The following NISCH variants were observed in gnomAD, a reference collection of about 807,000 sequenced individuals.
NISCH encodes the protein I-1 receptor candidate protein.
Under a neutral mutation model 138.4 loss-of-function variants are expected in NISCH, and 55 were observed. The ratio of observed to expected loss-of-function variants is 0.40; its 90% CI spans 0.32 to 0.50. NISCH has a LOEUF of 0.50. Ranked by LOEUF, NISCH falls within the 20% of genes least tolerant of loss-of-function variation. NISCH has a pLI of 0.71. For missense variants in NISCH, 1,643 were observed against 2,005.5 expected (o/e 0.82, Z 3.45); for synonymous variants, 860 against 861.5 (o/e 1.00, Z 0.03).
At position 52,492,442 on chromosome 3, in the gene NISCH, C is replaced by A; in HGVS notation, c.4475C>A (p.Ala1492Asp). 6.2e-7 allele frequency: 1 copy of A among 1,610,534 alleles called. No individual in the cohort carries two copies. Among genetic ancestry groups the A allele is most frequent in the Non-Finnish European group, 8.5e-7 (1 of 1,179,050 alleles). Residue 1492 changes from alanine to aspartate, a missense_variant, in exon 21 of 21, where the codon GCC becomes GAC. By Grantham distance (126) the Ala-to-Asp change is moderately radical (BLOSUM62 -2). Transcript: ENST00000345716. ...TCGCTGTTGGCTCGCCAGTGGGAGG[C>A]CCTGTGTGGCCGTGAGCTGCCTGTC... ...LISLLARQWEALCGRELPVEL... is the reference protein window; with the variant it reads ...LISLLARQWEDLCGRELPVEL...
At chr3:52,479,057 A>T (rs1375697133) in intron 11 of NISCH, among the ~76,000 whole-genome samples, 4 of 152,108 alleles carry the variant, frequency 2.6e-5, no homozygotes, top group African/African-American at 9.7e-5. Context: ...CCAAAATCCC[A>T]GGTCAGAAAA....
At chr3:52,489,776 G>C (rs1277107436) in intron 17 of NISCH, 98 bp downstream of exon 17, 1 of 1,516,382 alleles carries the variant, frequency 6.6e-7, no homozygotes, top group Non-Finnish European at 8.8e-7. Flanking sequence ...GGACTTCCCT[G>C]ATGTCGGAGT....
chr3:52,471,242 C>G lies in NISCH; in HGVS notation c.409+335C>G, dbSNP rs554453055. ...CTGCCAGAGAGCACAGTTATAGTAG[C>G]TCATGTGTGATGAATGCTTCCTGTT... On this transcript the variant is annotated intron_variant, in intron 4 of 20. Coordinates refer to ENST00000345716, the MANE Select transcript of NISCH (RefSeq NM_007184.4). 5.5e-4 allele frequency: 218 copies of G among 399,796 alleles called. 5 individuals carry two copies. In the South Asian group the frequency reaches 9.0e-3, roughly 17 times the overall value. The allele number at this position is 399,796 out of a possible 1,614,324, so 24.8% of individuals were successfully genotyped here.
Position 52,487,193 on chromosome 3 carries a change from C to T in NISCH, c.1704-3C>T. 6.2e-7 allele frequency: 1 copy of T among 1,611,460 alleles called. No homozygotes were observed. On this transcript the variant is annotated splice_region_variant and splice_polypyrimidine_tract_variant and intron_variant, in intron 15 of 20. Transcript: ENST00000345716. This position sits in a 1 kb window ranked among gnomAD's most constrained non-coding sequence, Gnocchi z 9.1. Reference sequence around the variant, plus strand: ...GCCACTGACCTGGCCTCTCCCTGCACAGCCCAGAACATGCCGAGCCGGAGG... The same window carrying T: ...GCCACTGACCTGGCCTCTCCCTGCATAGCCCAGAACATGCCGAGCCGGAGG...
intron 7 of NISCH, among the ~76,000 whole-genome samples, chr3:52,474,510 A>G (rs979028098): frequency 7.2e-5 from 11 of 151,994 alleles, no homozygotes; most frequent in African/African-American, 2.4e-4. Context: ...GTTAGCCAGG[A>G]TGGTCTCGAT....
At position 52,491,900 on chromosome 3, in the gene NISCH, C is replaced by A; in HGVS notation, c.3933C>A (p.His1311Gln). Reference protein sequence around the residue: ...TGKMENYELIHSSRVKFTYPS... With the variant: ...TGKMENYELIQSSRVKFTYPS... ...AGATGGAGAACTACGAGCTGATCCACTCTAGTCGCGTCAAGTTTACCTACC... is the reference window on the plus strand; with the variant it reads ...AGATGGAGAACTACGAGCTGATCCAATCTAGTCGCGTCAAGTTTACCTACC... Residue 1311 changes from histidine to glutamine, a missense_variant, in exon 21 of 21, where the codon CAC (histidine) becomes CAA (glutamine). By Grantham distance (24) the His-to-Gln change is conservative. Transcript: ENST00000345716. The A allele has an allele frequency of 6.2e-7, 1 of 1,609,530 alleles. No individual in the cohort carries two copies. The highest frequency in any genetic ancestry group is 8.5e-7 in the Non-Finnish European group (1 of 1,177,598).
intron 13 of NISCH, 106 bp from the exon 14 acceptor site, chr3:52,484,407 C>A: frequency 1.8e-6 from 2 of 1,100,760 alleles, no homozygotes; most frequent in South Asian, 1.5e-5. Flanking sequence ...ATCTGGCTAA[C>A]CCCCGCCATG....
At chr3:52,478,366 T>C in intron 10 of NISCH, 83 bp from the exon 11 acceptor site, 1 of 1,607,630 alleles carries the variant, frequency 6.2e-7, no homozygotes, top group East Asian at 2.2e-5. Context: ...TTCCTTTCAT[T>C]TAAAAGAGAC....
rs1707611920 is a variant in NISCH, at chr3:52,492,891, C to T, written c.*409C>T. On this transcript the variant is annotated 3_prime_UTR_variant, in exon 21 of 21. Transcript: ENST00000345716. ...TGGCATCTTGCTGCTAATCCTGAGG[C>T]TGGTAGCAGAATGCACATTGGAAGC... The T allele has an allele frequency of 8.9e-6, 2 of 224,774 alleles. No individual in the cohort carries two copies. 13.9% of individuals were successfully genotyped at this position (224,774 alleles called of 1,614,324 possible). A position where few individuals can be genotyped will look rare whatever the true frequency, so the allele number is the denominator to read the frequency against.
Position 52,488,334 on chromosome 3 carries a change from C to G in NISCH, c.2842C>G (p.Leu948Val), listed in dbSNP as rs1707464850. ...CAGCTTCAAGCTCAGCCGTGTGCCG[C>G]TCTCCACCGTGCTGCTGGACCCCAC... is the stretch of plus-strand genomic sequence containing the variant. ...RNSFKLSRVP[L>V]STVLLDPTRS... Residue 948 changes from leucine to valine, a missense_variant, in exon 16 of 21, where the codon CTC becomes GTC. Physicochemically the swap from Leu to Val is conservative, Grantham distance 32. Coordinates refer to ENST00000345716, the MANE Select transcript of NISCH (RefSeq NM_007184.4). 6.2e-7 allele frequency: 1 copy of G among 1,613,096 alleles called. No individual in the cohort carries two copies. Among genetic ancestry groups the G allele is most frequent in the Non-Finnish European group, 8.5e-7 (1 of 1,180,014 alleles).
intron 4 of NISCH, 109 bp from the exon 5 acceptor site, chr3:52,471,705 C>T: frequency 2.2e-6 from 3 of 1,358,804 alleles, no homozygotes; most frequent in Non-Finnish European, 3.1e-6. Flanking sequence ...TTTGCCCTGA[C>T]ACAGTGGGTG....
intron 11 of NISCH, among the ~76,000 whole-genome samples, chr3:52,479,265 C>T (rs1372156791): frequency 1.3e-5 from 2 of 152,184 alleles, no homozygotes; most frequent in South Asian, 2.1e-4. Flanking sequence ...CCCAACCCCC[C>T]ACTGCCTGCC....
In NISCH at chr3:52,489,509, C is replaced by G. The variant is rs1707504259; in HGVS notation, c.3287C>G (p.Ala1096Gly). Reference protein sequence around the residue: ...VPEETPVEAPAPPPAEAPAQY... With the variant: ...VPEETPVEAPGPPPAEAPAQY... ...GAGGAGACGCCAGTGGAAGCTCCAG[C>G]CCCACCCCCAGCCGAGGCCCCTGCC... is the stretch of plus-strand genomic sequence containing the variant. The change falls in exon 17 of 21, where the codon GCC (alanine) becomes GGC (glycine). Residue 1096 changes from alanine to glycine, a missense_variant. Transcript: ENST00000345716. 1 of 1,611,946 alleles carries G rather than the reference C, an allele frequency of 6.2e-7. No individual in the cohort carries two copies. Among genetic ancestry groups the G allele is most frequent in the Non-Finnish European group, 8.5e-7 (1 of 1,178,880 alleles).
chr3:52,457,835 C>G lies in NISCH; in HGVS notation c.94-8C>G. The G allele has an allele frequency of 6.2e-7, 1 of 1,605,776 alleles. No homozygotes were observed. The highest frequency in any genetic ancestry group is 8.5e-7 in the Non-Finnish European group (1 of 1,173,322). ...CTTGCCACAAGGGCTGTTGGTTTCC[C>G]CTTTTAGGTTTACATCATCCAGGTC... On this transcript the variant is annotated splice_polypyrimidine_tract_variant and splice_region_variant and intron_variant, in intron 1 of 20. Transcript: ENST00000345716.
chr3:52,484,735 G>C, intron 14 of NISCH, 98 bp downstream of exon 14: 1 of 1,428,192 alleles, frequency 7.0e-7, no homozygotes, highest in Non-Finnish European at 9.7e-7. Flanking sequence ...TGGAGCTGAG[G>C]CAGATGCTTC....
intron 3 of NISCH, among the ~76,000 whole-genome samples, chr3:52,459,667 C>T (rs1360441995): frequency 1.3e-5 from 2 of 151,882 alleles, no homozygotes; most frequent in African/African-American, 4.8e-5. Context: ...CTCCTGACCT[C>T]AAGTGATCTG....
intron 13 of NISCH, among the ~76,000 whole-genome samples, chr3:52,483,769 G>T (rs1047213181): frequency 6.6e-6 from 1 of 152,204 alleles, no homozygotes; most frequent in Admixed American, 6.5e-5. Context: ...GACAAATCAG[G>T]GGACGGGGTC....
At chr3:52,481,143 G>T in intron 13 of NISCH, 8 of 1,244,328 alleles carry the variant, frequency 6.4e-6, no homozygotes, top group Non-Finnish European at 8.0e-6. Flanking sequence ...CTCTTAGAGG[G>T]ATAAGATACC....
chr3:52,478,556 G>T lies in NISCH; in HGVS notation c.1281G>T (p.Gln427His). The change falls in exon 11 of 21, where the codon CAG becomes CAT. Residue 427 changes from glutamine (Q) to histidine (H), a missense_variant. Physicochemically the swap from Gln to His is conservative, Grantham distance 24. Coordinates refer to ENST00000345716, the MANE Select transcript of NISCH (RefSeq NM_007184.4). ...IPDYRTKVLAQFGERASEVCL... is the reference protein window; with the variant it reads ...IPDYRTKVLAHFGERASEVCL... ...ACTACCGGACCAAGGTGCTGGCTCA[G>T]TTCGGAGAGAGGGCCTCAGAGGTGA... 1.2e-6 allele frequency: 2 copies of T among 1,614,178 alleles called. No homozygotes were observed. The highest frequency in any genetic ancestry group is 1.7e-6 in the Non-Finnish European group (2 of 1,180,028).
Sources: gnomAD v4.1 joint callset for allele counts (sites outside exome capture counted in the v4.1 genomes callset) on GRCh38, gnomAD v4.1.1 for gene constraint, Gnocchi (gnomAD v3.1) non-coding constraint, MANE v1.5 for transcripts, NCBI Gene and HGNC (gene_info 2026-07-23, HGNC 2026-07-21) for gene names.